The following DDX21 variants were observed in gnomAD, a reference collection of about 807,000 sequenced individuals.
DDX21 encodes DExD-box helicase 21.
A neutral mutation model predicts 90.0 loss-of-function variants in DDX21; 18 were observed. The observed-to-expected ratio is 0.20, with a 90% CI of 0.14 to 0.30. DDX21 has a LOEUF of 0.30. Ranked by LOEUF, DDX21 falls within the 10% of genes least tolerant of loss-of-function variation. DDX21 has a pLI of 1.00. For synonymous variants in DDX21, 294 were observed against 318.0 expected, an observed-to-expected ratio of 0.92 and a Z score of 0.80; for missense variants, 673 against 944.5, an observed-to-expected ratio of 0.71 and a Z score of 3.77.
intron 6 of DDX21, 83 bp downstream of exon 6, chr10:68,967,286 G>A: frequency 1.5e-6 from 2 of 1,368,628 alleles, no homozygotes; most frequent in Non-Finnish European, 2.0e-6. Flanking sequence ...TGACTCTCAT[G>A]CCTCAGCCAC....
At chr10:68,959,493 A>G (rs75988071) in intron 1 of DDX21, among the ~76,000 whole-genome samples, 12,504 of 152,222 alleles carry the variant, frequency 0.082, 677 homozygotes, top group African/African-American at 0.14. Context: ...ACTCTGTCTC[A>G]AAAAAGAAAA....
Position 68,982,975 on chromosome 10 carries a change from A to T in DDX21, c.*163A>T, listed in dbSNP as rs758642789. On this transcript the variant is annotated 3_prime_UTR_variant, in exon 15 of 15. Coordinates refer to ENST00000354185, the MANE Select transcript of DDX21 (RefSeq NM_004728.4). ...AGACAAGCTTCATTTAAATTATTTCATCTGATCATTATCATTTATAACTTT... is the reference window on the plus strand; with the variant it reads ...AGACAAGCTTCATTTAAATTATTTCTTCTGATCATTATCATTTATAACTTT... 216 of 870,080 alleles carry T rather than the reference A, an allele frequency of 2.5e-4. No individual in the cohort carries two copies. The highest frequency in any genetic ancestry group is 3.5e-4 in the Non-Finnish European group (201 of 579,070). 53.9% of individuals were successfully genotyped at this position (870,080 alleles called of 1,614,324 possible).
At chr10:68,978,347 A>C (rs571939895) in intron 12 of DDX21, among the ~76,000 whole-genome samples, 1 of 152,172 alleles carries the variant, frequency 6.6e-6, no homozygotes, top group Non-Finnish European at 1.5e-5. Flanking sequence ...AACAAAAAAA[A>C]CACTGGATTA....
intron 12 of DDX21, 106 bp downstream of exon 12, chr10:68,977,794 T>C (rs2132094103): frequency 1.6e-6 from 2 of 1,232,572 alleles, no homozygotes; most frequent in Non-Finnish European, 2.2e-6. Flanking sequence ...CTCATGAAGT[T>C]AGTAAAGTAT....
rs1843119640 is a variant in DDX21 at position 68,977,540 on chromosome 10, C to T, written c.1754C>T (p.Ser585Phe). 3 of 1,609,158 alleles carry T rather than the reference C, an allele frequency of 1.9e-6. No homozygotes were observed. The highest frequency in any genetic ancestry group is 1.7e-5 in the Admixed American group (1 of 59,468). The change falls in exon 12 of 15, where the codon TCC (serine) becomes TTC (phenylalanine). Residue 585 changes from serine to phenylalanine, a missense_variant. By Grantham distance (155) the Ser-to-Phe change is radical. Transcript: ENST00000354185. ...CTCTCAAACAACAGGCTTTTGGATT[C>T]CGTGCCTCCCACTGCCATTAGTCAC... Reference protein sequence around the residue: ...SSKDAIRLLDSVPPTAISHFK... With the variant: ...SSKDAIRLLDFVPPTAISHFK...
chr10:68,976,124 G>A (rs1843097293), intron 11 of DDX21, among the ~76,000 whole-genome samples: 1 of 151,836 alleles, frequency 6.6e-6, no homozygotes, highest in Admixed American at 6.6e-5. Flanking sequence ...CTACTCTGGA[G>A]GCTGAGATGG....
chr10:68,958,033 TTTAAA>T (rs1842823198), intron 1 of DDX21, among the ~76,000 whole-genome samples: 1 of 152,234 alleles, frequency 6.6e-6, no homozygotes, highest in Non-Finnish European at 1.5e-5. Flanking sequence ...TTTATTTTAT[TTTAAA>T]TTAAGTACAT....
chr10:68,961,130 TCGCTGTGTGGCCC>T (rs1842867558), intron 2 of DDX21, among the ~76,000 whole-genome samples: 1 of 152,198 alleles, frequency 6.6e-6, no homozygotes, highest in Non-Finnish European at 1.5e-5. Context: ...ACATGGGATC[TCGCTGTGTGGCCC>T]AGGCTGGTCT....
At chr10:68,956,422 C>T in intron 1 of DDX21, 110 bp downstream of exon 1, 2 of 1,532,648 alleles carry the variant, frequency 1.3e-6, no homozygotes, top group Non-Finnish European at 1.8e-6. Context: ...GATAACAGCG[C>T]GTCCAGACAC....
chr10:68,969,096 C>A lies in DDX21; in HGVS notation c.1211C>A (p.Thr404Asn), dbSNP rs1034851807. Reference sequence around the variant, plus strand: ...CAGGTGGACCTGATTGGTAAAAAGACTCAGAAAACGGCAATAACTGTGGAG... The same window carrying A: ...CAGGTGGACCTGATTGGTAAAAAGAATCAGAAAACGGCAATAACTGTGGAG... ...YEQVDLIGKK[T>N]QKTAITVEHL... is the part of the protein sequence containing the mutation. Residue 404 changes from threonine (T) to asparagine (N), a missense_variant, in exon 7 of 15, where the codon ACT becomes AAT. Physicochemically the swap from Thr to Asn is moderately conservative, Grantham distance 65. Around this residue, in one of 4 missense-constraint regions of DDX21, gnomAD observed 218 missense variants for 347.3 expected, o/e 0.63. Coordinates refer to ENST00000354185, the MANE Select transcript of DDX21 (RefSeq NM_004728.4). 4 of 1,612,090 alleles carry A rather than the reference C, an allele frequency of 2.5e-6. No homozygotes were observed. The African/African-American group carries it at 4.0e-5, about 16-fold the overall frequency.
In DDX21 at chr10:68,984,338, C is replaced by T. The variant is rs1440856102; in HGVS notation, c.*1526C>T. 1 of 152,186 alleles carries T rather than the reference C, an allele frequency of 6.6e-6. No homozygotes were observed. Among genetic ancestry groups the T allele is most frequent in the Non-Finnish European group, 1.5e-5 (1 of 68,020 alleles). 9.4% of individuals were successfully genotyped at this position (152,186 alleles called of 1,614,324 possible). On this transcript the variant is annotated 3_prime_UTR_variant, in exon 15 of 15. Transcript: ENST00000354185. ...CACCATGTACTAGGAGCTCTGATAG[C>T]CAGCTCAGCTCCTAATCCTTGAGGC...
chr10:68,967,575 A>G (rs1246999839), intron 6 of DDX21, among the ~76,000 whole-genome samples: 1 of 151,972 alleles, frequency 6.6e-6, no homozygotes, highest in East Asian at 1.9e-4. Context: ...TTACTCTGGG[A>G]TTAAAGCTGG....
At chr10:68,973,432 C>T (rs1843053530) in intron 9 of DDX21, 113 bp from the exon 10 acceptor site, 2 of 1,329,256 alleles carry the variant, frequency 1.5e-6, no homozygotes, top group South Asian at 2.5e-5. Context: ...CCTTCTCCCT[C>T]ATGTCCCCAG....
At chr10:68,956,900 G>A (rs768635086) in intron 1 of DDX21, among the ~76,000 whole-genome samples, 5 of 151,956 alleles carry the variant, frequency 3.3e-5, no homozygotes, top group Non-Finnish European at 7.4e-5. Context: ...AAATTAGCCG[G>A]GCATGGTGGC....
intron 14 of DDX21, 64 bp from the exon 15 acceptor site, chr10:68,982,479 T>C: frequency 1.3e-6 from 2 of 1,544,318 alleles, no homozygotes; most frequent in East Asian, 2.3e-5. Flanking sequence ...ATTTTGTTTT[T>C]CTCATGCTTT....
At chr10:68,979,042 G>A in intron 13 of DDX21, 66 bp downstream of exon 13, 2 of 1,596,772 alleles carry the variant, frequency 1.3e-6, no homozygotes, top group Non-Finnish European at 1.7e-6. Flanking sequence ...AGTGTGGTGT[G>A]GGTTCTTCCT....
At position 68,983,390 on chromosome 10, in the gene DDX21, T is replaced by C. The variant is rs1033464329; in HGVS notation, c.*578T>C. Reference sequence around the variant, plus strand: ...TATGCTCTAGACTTGGAAGATGTAGTATGTTTGATGTGGATTACCTATACT... The same window carrying C: ...TATGCTCTAGACTTGGAAGATGTAGCATGTTTGATGTGGATTACCTATACT... On this transcript the variant is annotated 3_prime_UTR_variant, in exon 15 of 15. Coordinates refer to ENST00000354185, the MANE Select transcript of DDX21 (RefSeq NM_004728.4). 2 of 153,440 alleles carry C rather than the reference T, an allele frequency of 1.3e-5. No homozygotes were observed. The highest frequency in any genetic ancestry group is 4.8e-5 in the African/African-American group (2 of 41,460). The allele number at this position is 153,440 out of a possible 1,614,324, so 9.5% of individuals were successfully genotyped here. A position where few individuals can be genotyped will look rare whatever the true frequency, so the allele number is the denominator to read the frequency against.
At chr10:68,973,422 C>A in intron 9 of DDX21, 123 bp from the exon 10 acceptor site, 1 of 1,213,592 alleles carries the variant, frequency 8.2e-7, no homozygotes, top group South Asian at 1.3e-5. Context: ...TGCTAAGGGA[C>A]CTTCTCCCTC....
intron 9 of DDX21, 132 bp from the exon 10 acceptor site, chr10:68,973,413 G>T: frequency 8.9e-7 from 1 of 1,120,686 alleles, no homozygotes. Context: ...AAATTGAAGT[G>T]CTAAGGGACC....
Sources: allele counts gnomAD v4.1 joint callset (sites outside exome capture counted in the v4.1 genomes callset), GRCh38; gene constraint gnomAD v4.1.1; regional missense constraint gnomAD v4.1.1; transcripts MANE v1.5; gene names NCBI Gene and HGNC (gene_info 2026-07-23, HGNC 2026-07-21).